The following CACNA1E variants were observed in gnomAD, a reference collection of about 807,000 sequenced individuals.
CACNA1E encodes the protein voltage-dependent R-type calcium channel subunit alpha-1E.
A neutral mutation model predicts 259.2 loss-of-function variants in CACNA1E; 40 were observed. That is an observed-to-expected ratio of 0.15 (90% CI 0.12 to 0.20). CACNA1E has a LOEUF of 0.20. CACNA1E is among the 10% of genes least tolerant of loss of function. The probability of loss-of-function intolerance (pLI) is 1.00; values close to 1 mark genes in which losing one functional copy is unlikely to be tolerated. For missense variants in CACNA1E, 1,874 were observed against 3,040.1 expected, an observed-to-expected ratio of 0.62 and a Z score of 9.02; for synonymous variants, 1,104 against 1,138.5, an observed-to-expected ratio of 0.97 and a Z score of 0.61.
At position 181,733,514 on chromosome 1, in the gene CACNA1E, C is replaced by G; in HGVS notation, c.3026C>G (p.Pro1009Arg). Reference sequence around the variant, plus strand: ...GAGGCTGACACCCCCCTAGTCCTGCCCCATCCTGAGCTGGAAGTGGGGAAG... The same window carrying G: ...GAGGCTGACACCCCCCTAGTCCTGCGCCATCCTGAGCTGGAAGTGGGGAAG... The part of the protein sequence containing the change: ...LDEADTPLVL[P>R]HPELEVGKHV... Residue 1009 changes from proline to arginine, a missense_variant, in exon 21 of 48, where the codon CCC becomes CGC. By Grantham distance (103) the Pro-to-Arg change is moderately radical. This residue lies in a region of CACNA1E where 476 missense variants were observed against 514.0 expected (regional missense o/e 0.93). Coordinates refer to ENST00000367573, the MANE Select transcript of CACNA1E (RefSeq NM_001205293.3). 1 of 1,608,810 alleles carries G rather than the reference C, an allele frequency of 6.2e-7. No homozygotes were observed. Among genetic ancestry groups the G allele is most frequent in the Non-Finnish European group, 8.5e-7 (1 of 1,177,014 alleles).
chr1:181,757,851 C>T, intron 30 of CACNA1E, 96 bp from the exon 31 acceptor site: 1 of 1,359,768 alleles, frequency 7.4e-7, no homozygotes, highest in East Asian at 2.3e-5. Flanking sequence ...GCCCTTTTTC[C>T]CATTCACCGT....
At chr1:181,720,417 A>G (rs936252158) in intron 14 of CACNA1E, 80 bp downstream of exon 14, 133 of 1,454,588 alleles carry the variant, frequency 9.1e-5, no homozygotes, top group Non-Finnish European at 1.2e-4. Context: ...CATTAACTCA[A>G]TCACCATGTT....
intron 7 of CACNA1E, among the ~76,000 whole-genome samples, chr1:181,703,811 C>T (rs1353283651): frequency 2.7e-5 from 4 of 148,944 alleles, no homozygotes; most frequent in African/African-American, 4.9e-5. Context: ...TATGGAAAGC[C>T]GGTCTTGGAC....
intron 2 of CACNA1E, among the ~76,000 whole-genome samples, chr1:181,444,328 T>TAA (rs11370051): frequency 0.12 from 16,850 of 146,030 alleles, 1,091 homozygotes; most frequent in South Asian, 0.19. Flanking sequence ...ACTGTGCTAT[T>TAA]AAAAAAAAAA....
rs141430022 is a variant in CACNA1E at position 181,403,782 on chromosome 1, G to T, written c.-14-9351G>T. 1.5e-3 allele frequency among the ~76,000 whole-genome samples: 230 copies of T among 152,294 alleles called. 1 individual carries two copies. In the Middle Eastern group the frequency reaches 0.037, roughly 25 times the overall value. ...GCTTTGGCCAGTAGGAGCTGTATTGGCTCATATTGCTGGTGGTCTAAGGTG... is the reference window on the plus strand; with the variant it reads ...GCTTTGGCCAGTAGGAGCTGTATTGTCTCATATTGCTGGTGGTCTAAGGTG... On this transcript the variant is annotated intron_variant, in intron 1 of 11. Coordinates refer to the CACNA1E transcript ENST00000524607.
intron 6 of CACNA1E, among the ~76,000 whole-genome samples, chr1:181,605,666 G>A (rs1388509768): frequency 6.6e-6 from 1 of 152,148 alleles, no homozygotes; most frequent in Non-Finnish European, 1.5e-5. Flanking sequence ...AGCCCTCAGA[G>A]CAACCTCTGC....
chr1:181,702,574 C>T (rs1652376020), intron 7 of CACNA1E, among the ~76,000 whole-genome samples: 1 of 152,198 alleles, frequency 6.6e-6, no homozygotes, highest in Admixed American at 6.5e-5. Context: ...CCTCCACTTC[C>T]CCACTGCCTG....
chr1:181,406,519 C>T (rs896704004), intron 1 of CACNA1E, among the ~76,000 whole-genome samples: 1 of 152,108 alleles, frequency 6.6e-6, no homozygotes, highest in Non-Finnish European at 1.5e-5. Context: ...CCTCAGCCTC[C>T]TGAGTAGCCG....
At chr1:181,552,714 C>G (rs529294071) in intron 3 of CACNA1E, among the ~76,000 whole-genome samples, 1 of 152,136 alleles carries the variant, frequency 6.6e-6, no homozygotes, top group Non-Finnish European at 1.5e-5. Flanking sequence ...CATAGGTATA[C>G]GTGTGCCATG....
At chr1:181,459,545 C>T (rs1363074154) in intron 2 of CACNA1E, among the ~76,000 whole-genome samples, 2 of 152,244 alleles carry the variant, frequency 1.3e-5, no homozygotes, top group East Asian at 3.8e-4. Context: ...TGGAGCTACT[C>T]CACCTGTGAC....
chr1:181,341,469 G>T (rs1436566093), intron 1 of CACNA1E, among the ~76,000 whole-genome samples: 1 of 152,194 alleles, frequency 6.6e-6, no homozygotes. Flanking sequence ...GAGGATTAAA[G>T]GCAGCCTCCC....
At position 181,490,542 on chromosome 1, in the gene CACNA1E, TG is replaced by T. The variant is rs984456157; in HGVS notation, c.266+6533del. Among the ~76,000 whole-genome samples the T allele has an allele frequency of 1.6e-4, 21 of 129,742 alleles. No homozygotes were observed. In the South Asian group the frequency reaches 4.9e-3, roughly 30 times the overall value. The allele number at this position is 129,742 out of a possible 152,430, so 85.1% of individuals were successfully genotyped here. A position where few individuals can be genotyped will look rare whatever the true frequency, so the allele number is the denominator to read the frequency against. ...CCCTGCCTGGCACCTGTGCCAAGCA[TG>T]TTTTTTTTTTTTTTTTTTGCCTGTG... On this transcript the variant is annotated intron_variant, in intron 1 of 47. Transcript: ENST00000367573.
intron 1 of CACNA1E, among the ~76,000 whole-genome samples, chr1:181,501,958 G>C (rs1665284695): frequency 6.6e-6 from 1 of 152,006 alleles, no homozygotes. Flanking sequence ...TTTTTTTTAA[G>C]ATGAGGTTGG....
At chr1:181,570,472 C>T (rs1212894077) in intron 3 of CACNA1E, among the ~76,000 whole-genome samples, 1 of 152,226 alleles carries the variant, frequency 6.6e-6, no homozygotes, top group Non-Finnish European at 1.5e-5. Flanking sequence ...GCTTCTGTAA[C>T]AAATGACCAC....
chr1:181,773,143 C>T (rs1659669289), intron 37 of CACNA1E, among the ~76,000 whole-genome samples: 1 of 152,180 alleles, frequency 6.6e-6, no homozygotes, highest in South Asian at 2.1e-4. Context: ...AATTAATTGT[C>T]TTATGTCCAG....
chr1:181,354,318 C>T (rs751005308), intron 1 of CACNA1E, among the ~76,000 whole-genome samples: 4 of 152,176 alleles, frequency 2.6e-5, no homozygotes, highest in Non-Finnish European at 5.9e-5. Context: ...TAAGTAAAAT[C>T]TACAGCATGT....
At chr1:181,531,309 C>G (rs1242409950) in intron 3 of CACNA1E, among the ~76,000 whole-genome samples, 1 of 152,186 alleles carries the variant, frequency 6.6e-6, no homozygotes, top group Non-Finnish European at 1.5e-5. Context: ...AGGGGGATAG[C>G]CCCCTTCCTC....
intron 1 of CACNA1E, among the ~76,000 whole-genome samples, chr1:181,349,423 A>AT (rs1290462353): frequency 6.6e-6 from 1 of 152,228 alleles, no homozygotes; most frequent in Non-Finnish European, 1.5e-5. Flanking sequence ...GGCAGGGTAC[A>AT]TTTCAGGGCT....
chr1:181,411,430 G>T (rs1254713823), intron 1 of CACNA1E, among the ~76,000 whole-genome samples: 2 of 152,098 alleles, frequency 1.3e-5, no homozygotes, highest in Admixed American at 6.5e-5. Flanking sequence ...GAGGAGAGAG[G>T]AGTGACCAGG....
Sources: gnomAD v4.1 joint callset for allele counts (sites outside exome capture counted in the v4.1 genomes callset) on GRCh38, gnomAD v4.1.1 for gene constraint, gnomAD v4.1.1 regional missense constraint, MANE v1.5 for transcripts, NCBI Gene and HGNC (gene_info 2026-07-23, HGNC 2026-07-21) for gene names.